Variants in RAD51B observed in about 807,000 individuals in gnomAD.
RAD51B encodes DNA repair protein RAD51 homolog 2.
A neutral mutation model predicts 42.2 loss-of-function variants in RAD51B; 38 were observed. The observed-to-expected ratio is 0.90, with a 90% CI of 0.70 to 1.18. RAD51B has a LOEUF of 1.18. RAD51B is among the 50% of genes most tolerant of loss of function. The probability of loss-of-function intolerance (pLI) is 0.00; values close to 1 mark genes in which losing one functional copy is unlikely to be tolerated. For synonymous variants in RAD51B, 154 were observed against 145.2 expected, an observed-to-expected ratio of 1.06 and a Z score of -0.43; for missense variants, 373 against 400.7, an observed-to-expected ratio of 0.93 and a Z score of 0.59.
chr14:68,302,812 CA>C (rs1427475373), intron 8 of RAD51B, among the ~76,000 whole-genome samples: 1 of 152,244 alleles, frequency 6.6e-6, no homozygotes, highest in African/African-American at 2.4e-5. Context: ...ACAGATCACT[CA>C]TGCTATTGTT....
intron 10 of RAD51B, among the ~76,000 whole-genome samples, chr14:68,473,693 T>C (rs1439102036): frequency 6.6e-6 from 1 of 152,182 alleles, no homozygotes; most frequent in Non-Finnish European, 1.5e-5. Context: ...TACTAAAATT[T>C]TGTCCCATTT....
intron 7 of RAD51B, among the ~76,000 whole-genome samples, chr14:68,020,994 G>A (rs1451967175): frequency 6.6e-6 from 1 of 152,112 alleles, no homozygotes; most frequent in Non-Finnish European, 1.5e-5. Context: ...TCCTTGTTAA[G>A]TGGATTCACA....
intron 7 of RAD51B, among the ~76,000 whole-genome samples, chr14:68,249,084 G>C (rs1408340633): frequency 6.6e-6 from 1 of 152,236 alleles, no homozygotes. Context: ...TGTTTTTAAA[G>C]AGCAGTCTGA....
chr14:68,402,842 T>A (rs1487164431), intron 8 of RAD51B, among the ~76,000 whole-genome samples: 1 of 152,188 alleles, frequency 6.6e-6, no homozygotes. Context: ...TTACCCCTTC[T>A]TGTCATGGAT....
chr14:68,139,716 G>A (rs1274749762), intron 7 of RAD51B, among the ~76,000 whole-genome samples: 2 of 152,168 alleles, frequency 1.3e-5, no homozygotes, highest in African/African-American at 4.8e-5. Flanking sequence ...GACTCCTGAT[G>A]AGTTAATATT....
chr14:68,119,118 AT>A (rs959837054), intron 7 of RAD51B, among the ~76,000 whole-genome samples: 4 of 149,902 alleles, frequency 2.7e-5, no homozygotes, highest in Admixed American at 2.0e-4. Flanking sequence ...AATTTTTCTA[AT>A]TTTTTTTTGT....
At chr14:67,874,989 A>G (rs1357718552) in intron 5 of RAD51B, among the ~76,000 whole-genome samples, 1 of 152,206 alleles carries the variant, frequency 6.6e-6, no homozygotes, top group Middle Eastern at 3.2e-3. Flanking sequence ...AAAGGAAAGT[A>G]AAGTTGGGTC....
At chr14:68,494,640 C>T (rs1477590038) in intron 10 of RAD51B, among the ~76,000 whole-genome samples, 3 of 152,130 alleles carry the variant, frequency 2.0e-5, no homozygotes, top group East Asian at 1.9e-4. Context: ...GCCTTCAAGT[C>T]GGGTTTGTTA....
At chr14:68,455,395 C>G (rs1645265065) in intron 9 of RAD51B, among the ~76,000 whole-genome samples, 2 of 152,054 alleles carry the variant, frequency 1.3e-5, no homozygotes, top group Admixed American at 1.3e-4. Context: ...TGAAAGGACA[C>G]TAGAGAGTAA....
At chr14:68,655,204 G>A (rs1369104347) in intron 11 of RAD51B, among the ~76,000 whole-genome samples, 1 of 151,898 alleles carries the variant, frequency 6.6e-6, no homozygotes, top group Non-Finnish European at 1.5e-5. Context: ...GGTGCTGATG[G>A]TGATCTCTCT....
At chr14:68,517,213 A>G (rs80351170) in intron 10 of RAD51B, among the ~76,000 whole-genome samples, 1 of 123,710 alleles carries the variant, frequency 8.1e-6, no homozygotes, top group African/African-American at 3.1e-5. Flanking sequence ...CACAAAGAAA[A>G]GAAAGGGAAG....
intron 8 of RAD51B, among the ~76,000 whole-genome samples, chr14:68,308,695 CTG>C (rs1365675796): frequency 1.0e-5 from 1 of 97,926 alleles, no homozygotes; most frequent in Non-Finnish European, 1.9e-5. Flanking sequence ...TCATTTATAT[CTG>C]TGTCATTAAA....
intron 10 of RAD51B, among the ~76,000 whole-genome samples, chr14:68,639,655 G>A (rs1183043594): frequency 2.0e-5 from 3 of 152,218 alleles, no homozygotes; most frequent in Non-Finnish European, 4.4e-5. Flanking sequence ...TGAGGGAACA[G>A]AGAGAAAAAG....
chr14:68,476,573 A>G (rs1157891907), intron 10 of RAD51B, among the ~76,000 whole-genome samples: 1 of 152,234 alleles, frequency 6.6e-6, no homozygotes, highest in African/African-American at 2.4e-5. Context: ...ATCTTGACCC[A>G]TGAGGGCTTT....
At chr14:68,192,820 A>G (rs955990463) in intron 7 of RAD51B, among the ~76,000 whole-genome samples, 2 of 152,184 alleles carry the variant, frequency 1.3e-5, no homozygotes, top group Non-Finnish European at 2.9e-5. Context: ...AAATATTGGC[A>G]TATCCAGGAG....
At chr14:68,587,421 C>T (rs1361273547) in intron 10 of RAD51B, among the ~76,000 whole-genome samples, 1 of 152,138 alleles carries the variant, frequency 6.6e-6, no homozygotes, top group East Asian at 1.9e-4. Flanking sequence ...CCTCCCCCAG[C>T]TATAAATGGA....
intron 5 of RAD51B, among the ~76,000 whole-genome samples, chr14:67,885,153 C>T (rs531764618): frequency 6.6e-6 from 1 of 152,222 alleles, no homozygotes; most frequent in East Asian, 1.9e-4. Flanking sequence ...GATGGTTAAA[C>T]TCAAAGACTT....
At chr14:68,193,519 T>A (rs2079308201) in intron 7 of RAD51B, among the ~76,000 whole-genome samples, 1 of 152,198 alleles carries the variant, frequency 6.6e-6, no homozygotes. Flanking sequence ...TATTTAGATT[T>A]ATCAGAACTG....
chr14:68,676,579 A>G lies in RAD51B; in HGVS notation c.*11+25723A>G, dbSNP rs111346909. On this transcript the variant is annotated intron_variant, in intron 11 of 11. Transcript: ENST00000488612. ...TGCAGTTGCAAGAAGTAGCTGCAAG[A>G]GAGTGGAATTTGCATCTGCACTGCA... Among the ~76,000 whole-genome samples the G allele has an allele frequency of 9.1e-3, 1,383 of 152,338 alleles. 11 individuals carry two copies. Among genetic ancestry groups the G allele is most frequent in the African/African-American group, 0.026 (1,070 of 41,568 alleles).
Sources: gnomAD v4.1 joint callset for allele counts (sites outside exome capture counted in the v4.1 genomes callset) on GRCh38, gnomAD v4.1.1 for gene constraint, MANE v1.5 for transcripts, NCBI Gene and HGNC (gene_info 2026-07-23, HGNC 2026-07-21) for gene names.